Variants in SEC11C observed in about 807,000 individuals in gnomAD.
The protein encoded by SEC11C is SEC11 homolog C, signal peptidase complex subunit, also known as signal peptidase complex catalytic subunit SEC11C.
In SEC11C, 10 loss-of-function variants were observed where a neutral mutation model predicts 21.9. The observed-to-expected ratio is 0.46, with a 90% confidence interval of 0.28 to 0.77. The LOEUF (loss-of-function observed/expected upper bound fraction) is 0.77, where lower values mean the gene tolerates loss of function less well. Among genes scored for constraint, SEC11C ranks in the 30% least tolerant of loss-of-function variants. The pLI, the probability that SEC11C is intolerant of heterozygous loss-of-function variation, is 0.12. For synonymous variants in SEC11C, 83 were observed against 85.6 expected (o/e 0.97, Z 0.17); for missense variants, 145 against 244.5 (o/e 0.59, Z 2.71).
chr18:59,154,780 A>G (rs939566503), intron 3 of SEC11C, among the ~76,000 whole-genome samples: 2 of 152,216 alleles, frequency 1.3e-5, no homozygotes, highest in South Asian at 2.1e-4. Context: ...AAATTGGTCT[A>G]TGAGGCTGGG....
At position 59,145,933 on chromosome 18, in the gene SEC11C, G is replaced by T. The variant is rs143198508; in HGVS notation, c.88-3580G>T. 8.1e-3 allele frequency among the ~76,000 whole-genome samples: 1,241 copies of T among 152,320 alleles called. 12 individuals are homozygous for T. The highest frequency in any genetic ancestry group is 0.051 in the Middle Eastern group (15 of 294). On this transcript the variant is annotated intron_variant, in intron 1 of 5. Transcript: ENST00000587834. The stretch of plus-strand genomic sequence containing the variant: ...ATAGGCTACATCGTATAGCTTAGGG[G>T]TATAGTAAGCGACACCATCTGGGTT...
At chr18:59,154,793 C>T (rs528890920) in intron 3 of SEC11C, among the ~76,000 whole-genome samples, 29 of 152,260 alleles carry the variant, frequency 1.9e-4, no homozygotes, top group African/African-American at 5.8e-4. Flanking sequence ...AGGCTGGGCG[C>T]GGTGGCTTAT....
chr18:59,152,875 A>G lies in SEC11C; in HGVS notation c.347+190A>G, dbSNP rs1603377867. 1.3e-5 allele frequency: 6 copies of G among 465,348 alleles called. No homozygotes were observed. In the East Asian group the frequency reaches 1.7e-4, roughly 13 times the overall value. 28.8% of individuals were successfully genotyped at this position (465,348 alleles called of 1,614,324 possible). A position where few individuals can be genotyped will look rare whatever the true frequency, so the allele number is the denominator to read the frequency against. On this transcript the variant is annotated intron_variant, in intron 3 of 5. Coordinates refer to ENST00000587834, the MANE Select transcript of SEC11C (RefSeq NM_033280.4). The stretch of plus-strand genomic sequence containing the variant: ...AGTAGTTAAACCCATAGTAACTCAC[A>G]AAGTGATTATGAGAATTAAATGAAC...
At chr18:59,156,767 G>A (rs8094095) in intron 4 of SEC11C, 39,000 of 152,102 alleles carry the variant, frequency 0.26, 6,121 homozygotes, top group East Asian at 0.63. Flanking sequence ...ATTTTGTCAG[G>A]TTTAGCGTTA....
Position 59,158,513 on chromosome 18 carries a change from A to G in SEC11C, c.526-119A>G, listed in dbSNP as rs1311872572. ...ATTTAGAGAACAAGCCATGGGGGGAAGAGGTAATCTTTTGATTCTGTCCTC... is the reference window on the plus strand; with the variant it reads ...ATTTAGAGAACAAGCCATGGGGGGAGGAGGTAATCTTTTGATTCTGTCCTC... On this transcript the variant is annotated intron_variant, in intron 5 of 5. Transcript: ENST00000587834. 1.1e-5 allele frequency: 9 copies of G among 790,216 alleles called. No homozygotes were observed. The African/African-American group carries it at 1.6e-4, about 14-fold the overall frequency. 49.0% of individuals were successfully genotyped at this position (790,216 alleles called of 1,614,324 possible).
At chr18:59,146,634 A>G (rs1315710088) in intron 1 of SEC11C, among the ~76,000 whole-genome samples, 1 of 152,194 alleles carries the variant, frequency 6.6e-6, no homozygotes, top group Non-Finnish European at 1.5e-5. Flanking sequence ...TTTAGTGAGC[A>G]TGTGACTGAC....
At chr18:59,145,292 G>A (rs2069259511) in intron 1 of SEC11C, among the ~76,000 whole-genome samples, 2 of 152,208 alleles carry the variant, frequency 1.3e-5, no homozygotes, top group African/African-American at 4.8e-5. Context: ...ACATTGGCAG[G>A]GCTGAGTAGT....
At chr18:59,144,749 A>G (rs1055947568) in intron 1 of SEC11C, among the ~76,000 whole-genome samples, 2 of 149,132 alleles carry the variant, frequency 1.3e-5, no homozygotes, top group Non-Finnish European at 3.0e-5. Context: ...AAAAAAAAAA[A>G]GTTGCTAGAA....
chr18:59,145,586 G>A (rs1427076135), intron 1 of SEC11C, among the ~76,000 whole-genome samples: 1 of 152,208 alleles, frequency 6.6e-6, no homozygotes, highest in East Asian at 1.9e-4. Flanking sequence ...CGGGGCTGCA[G>A]GGTTATATCA....
chr18:59,155,578 T>A (rs1331967841), intron 3 of SEC11C, 110 bp from the exon 4 acceptor site: 2 of 1,162,308 alleles, frequency 1.7e-6, no homozygotes, highest in Admixed American at 2.4e-5. Context: ...TATCTTTGAC[T>A]GTTTTTCTAA....
intron 4 of SEC11C, chr18:59,157,335 C>T (rs968977123): frequency 6.5e-6 from 2 of 307,538 alleles, no homozygotes; most frequent in Non-Finnish European, 1.2e-5. Context: ...TTTGTACAAG[C>T]GGCTTAACTA....
At chr18:59,140,781 C>A (rs1331543254) in intron 1 of SEC11C, among the ~76,000 whole-genome samples, 1 of 152,138 alleles carries the variant, frequency 6.6e-6, no homozygotes, top group African/African-American at 2.4e-5. Context: ...CTCTTTTTAG[C>A]CACTTATTGG....
chr18:59,147,035 C>T (rs1361345736), intron 1 of SEC11C: 1 of 152,226 alleles, frequency 6.6e-6, no homozygotes, highest in Non-Finnish European at 1.5e-5. Context: ...CAGGCATCGC[C>T]AGCTGATCCT....
At chr18:59,147,399 A>C (rs1030207938) in intron 1 of SEC11C, 5 of 152,228 alleles carry the variant, frequency 3.3e-5, no homozygotes, top group African/African-American at 7.2e-5. Context: ...GGTGGGATCT[A>C]ACCTGTCTAA....
intron 3 of SEC11C, 57 bp downstream of exon 3, chr18:59,152,742 G>A: frequency 6.9e-7 from 1 of 1,451,832 alleles, no homozygotes; most frequent in Non-Finnish European, 9.3e-7. Flanking sequence ...TAGATTCATG[G>A]CTAATTAGAA....
At chr18:59,148,972 T>C (rs1022094586) in intron 1 of SEC11C, among the ~76,000 whole-genome samples, 9 of 152,236 alleles carry the variant, frequency 5.9e-5, no homozygotes, top group African/African-American at 2.2e-4. Context: ...TTATGAAAAA[T>C]TTAAACCTCC....
intron 1 of SEC11C, among the ~76,000 whole-genome samples, chr18:59,143,258 C>G (rs1368960783): frequency 1.3e-5 from 2 of 148,296 alleles, no homozygotes; most frequent in African/African-American, 5.0e-5. Context: ...CAGGCTGAGG[C>G]AGGAGAATCA....
chr18:59,157,678 G>A lies in SEC11C; in HGVS notation c.525+13G>A, dbSNP rs748373026. Reference sequence around the variant, plus strand: ...TCCAAAATTCAAGGTAGGAATTTATGTGTGTCTATATTTATTTACTTCGTT... The same window carrying A: ...TCCAAAATTCAAGGTAGGAATTTATATGTGTCTATATTTATTTACTTCGTT... On this transcript the variant is annotated intron_variant, in intron 5 of 5. Transcript: ENST00000587834. 1.9e-5 allele frequency: 29 copies of A among 1,540,844 alleles called. No homozygotes were observed. Among genetic ancestry groups the A allele is most frequent in the African/African-American group, 2.7e-5 (2 of 73,434 alleles).
rs192356148 is a variant in SEC11C, at chr18:59,151,694, C to T, written c.198-842C>T. Among the ~76,000 whole-genome samples the T allele has an allele frequency of 1.9e-4, 29 of 152,270 alleles. No individual in the cohort carries two copies. The East Asian group carries it at 5.4e-3, about 28-fold the overall frequency. On this transcript the variant is annotated intron_variant, in intron 2 of 5. Transcript: ENST00000587834. ...GTTTTCTTTGTTTCCACTAGAGCAC[C>T]ACGGAGCTTCAGTGGTTCATTCTCC... is the stretch of plus-strand genomic sequence containing the variant.
Sources: gnomAD v4.1 joint callset for allele counts (sites outside exome capture counted in the v4.1 genomes callset) on GRCh38, gnomAD v4.1.1 for gene constraint, MANE v1.5 for transcripts, NCBI Gene and HGNC (gene_info 2026-07-23, HGNC 2026-07-21) for gene names.